Variants in CTNNA2 observed in about 807,000 individuals in gnomAD.
CTNNA2 encodes the protein catenin alpha 2, also known as catenin alpha-2.
A neutral mutation model predicts 101.0 loss-of-function variants in CTNNA2; 42 were observed. The ratio of observed to expected loss-of-function variants is 0.42; its 90% confidence interval spans 0.32 to 0.54. The LOEUF (loss-of-function observed/expected upper bound fraction) is 0.54. Among genes scored for constraint, CTNNA2 ranks in the 20% least tolerant of loss-of-function variants. CTNNA2 has a pLI of 0.14. For missense variants in CTNNA2, 871 were observed against 1,223.1 expected, an observed-to-expected ratio of 0.71 and a Z score of 4.29; for synonymous variants, 450 against 456.4, an observed-to-expected ratio of 0.99 and a Z score of 0.18.
chr2:80,084,930 G>A (rs952826545), intron 7 of CTNNA2, among the ~76,000 whole-genome samples: 7 of 152,078 alleles, frequency 4.6e-5, no homozygotes, highest in African/African-American at 1.7e-4. Context: ...ACATTACAAG[G>A]TGGAGTTTTG....
chr2:79,656,011 G>T (rs1053277825), intron 2 of CTNNA2, among the ~76,000 whole-genome samples: 9 of 152,018 alleles, frequency 5.9e-5, no homozygotes, highest in Admixed American at 5.9e-4. Flanking sequence ...TTCATACAGA[G>T]ATTTGGCACT....
chr2:79,464,038 G>A (rs1313871443), intron 4 of CTNNA2, among the ~76,000 whole-genome samples: 1 of 151,856 alleles, frequency 6.6e-6, no homozygotes, highest in Non-Finnish European at 1.5e-5. Flanking sequence ...ACAATATGCA[G>A]GTTGGTTACA....
chr2:79,562,836 G>A (rs923810131), intron 1 of CTNNA2, among the ~76,000 whole-genome samples: 38 of 151,992 alleles, frequency 2.5e-4, no homozygotes, highest in Middle Eastern at 6.8e-3. Flanking sequence ...ATTGGAGTTA[G>A]ATGTTAAAAA....
intron 2 of CTNNA2, among the ~76,000 whole-genome samples, chr2:79,285,116 T>A (rs566745507): frequency 6.6e-6 from 1 of 151,758 alleles, no homozygotes; most frequent in East Asian, 1.9e-4. Context: ...ATCCCCTTTA[T>A]CATTTTTTAT....
rs145684487 is a variant in CTNNA2, at chr2:79,430,043, A to C, written c.-135+56030A>C. The stretch of plus-strand genomic sequence containing the variant: ...TGAGAGGTAAAAAGTCTGATTTTGC[A>C]CCAAAGGAAACAGAAGCGGAGGAGG... On this transcript the variant is annotated intron_variant, in intron 4 of 21. Transcript: ENST00000466387. Among the ~76,000 whole-genome samples the C allele has an allele frequency of 1.7e-4, 26 of 152,262 alleles. 1 individual carries two copies. The East Asian group carries it at 4.6e-3, about 27-fold the overall frequency.
intron 3 of CTNNA2, among the ~76,000 whole-genome samples, chr2:79,326,441 G>T (rs1676749138): frequency 6.6e-6 from 1 of 152,058 alleles, no homozygotes; most frequent in Admixed American, 6.6e-5. Flanking sequence ...TAAATTCCTA[G>T]AATCCACTCT....
intron 18 of CTNNA2, among the ~76,000 whole-genome samples, chr2:80,628,649 A>G (rs562871567): frequency 1.3e-5 from 2 of 152,114 alleles, no homozygotes; most frequent in African/African-American, 4.8e-5. Context: ...TTGTTCCGCA[A>G]ACAGTTTAAA....
At chr2:79,452,094 CT>C (rs1339597224) in intron 4 of CTNNA2, among the ~76,000 whole-genome samples, 2 of 152,082 alleles carry the variant, frequency 1.3e-5, no homozygotes, top group Non-Finnish European at 2.9e-5. Flanking sequence ...ATTTTTCTGG[CT>C]ACTTAACAAC....
chr2:80,621,955 G>A (rs181643505), intron 18 of CTNNA2, among the ~76,000 whole-genome samples: 8 of 151,914 alleles, frequency 5.3e-5, no homozygotes, highest in African/African-American at 1.2e-4. Context: ...AGAACAGAAC[G>A]GTTTAGATGT....
At chr2:80,034,908 C>T (rs886748849) in intron 7 of CTNNA2, among the ~76,000 whole-genome samples, 18 of 152,096 alleles carry the variant, frequency 1.2e-4, no homozygotes, top group Non-Finnish European at 1.6e-4. Flanking sequence ...ATTCATATAC[C>T]GCTCTGAGAA....
At chr2:79,591,800 G>T (rs1676866433) in intron 1 of CTNNA2, among the ~76,000 whole-genome samples, 2 of 151,988 alleles carry the variant, frequency 1.3e-5, no homozygotes, top group South Asian at 2.1e-4. Context: ...CGTATGAGGA[G>T]AATGTTAATA....
chr2:80,089,660 C>T (rs1208376212), intron 7 of CTNNA2, among the ~76,000 whole-genome samples: 2 of 151,952 alleles, frequency 1.3e-5, no homozygotes, highest in South Asian at 2.1e-4. Context: ...GTTTCTGACT[C>T]AGTTTTGCAG....
In CTNNA2 at chr2:80,468,416, AT is replaced by A. The variant is rs1250610844; in HGVS notation, c.1290+48818del. Among the ~76,000 whole-genome samples, 7 of 150,504 alleles carry A rather than the reference AT, an allele frequency of 4.7e-5. No homozygotes were observed. The East Asian group carries it at 1.4e-3, about 29-fold the overall frequency. On this transcript the variant is annotated intron_variant, in intron 9 of 18. Transcript: ENST00000402739. ...TTGCGTCATGTGCTATTTTTCATTT[AT>A]TTATTTATTTATTTTTTTTGAGATG...
At chr2:80,292,978 T>C (rs995144425) in intron 7 of CTNNA2, among the ~76,000 whole-genome samples, 1 of 152,172 alleles carries the variant, frequency 6.6e-6, no homozygotes, top group African/African-American at 2.4e-5. Context: ...AGACAAAAAA[T>C]GGCCTGGACA....
At chr2:80,419,280 A>G (rs948438651) in intron 8 of CTNNA2, among the ~76,000 whole-genome samples, 169 bp from the exon 9 acceptor site, 7 of 152,214 alleles carry the variant, frequency 4.6e-5, no homozygotes, top group Admixed American at 2.0e-4. Flanking sequence ...ACATGCTTCC[A>G]TCAGTCATTG....
At chr2:79,996,910 C>G (rs942505874) in intron 7 of CTNNA2, among the ~76,000 whole-genome samples, 5 of 151,980 alleles carry the variant, frequency 3.3e-5, no homozygotes, top group Non-Finnish European at 2.9e-5. Flanking sequence ...GGGGGAGAGT[C>G]GTGATCAGTT....
At chr2:80,359,022 G>T (rs72813653) in intron 7 of CTNNA2, among the ~76,000 whole-genome samples, 6,899 of 151,758 alleles carry the variant, frequency 0.045, 220 homozygotes, top group Non-Finnish European at 0.071. Context: ...CATTTTTATT[G>T]ATTTTTTGAC....
At chr2:79,921,368 CT>C (rs2104381276) in intron 7 of CTNNA2, among the ~76,000 whole-genome samples, 1 of 152,160 alleles carries the variant, frequency 6.6e-6, no homozygotes, top group African/African-American at 2.4e-5. Flanking sequence ...TTCGGGAAGC[CT>C]TTTTGGGCTA....
At chr2:79,955,983 C>A (rs1228416095) in intron 7 of CTNNA2, among the ~76,000 whole-genome samples, 1 of 152,204 alleles carries the variant, frequency 6.6e-6, no homozygotes, top group Non-Finnish European at 1.5e-5. Flanking sequence ...CACCTCTGTC[C>A]TCCTCAGTTC....
Sources: gnomAD v4.1 joint callset for allele counts (sites outside exome capture counted in the v4.1 genomes callset) on GRCh38, gnomAD v4.1.1 for gene constraint, MANE v1.5 for transcripts, NCBI Gene and HGNC (gene_info 2026-07-23, HGNC 2026-07-21) for gene names.